Variants in SORBS2 observed in about 807,000 individuals in gnomAD.
The protein encoded by SORBS2 is sorbin and SH3 domain containing 2.
A neutral mutation model predicts 97.7 loss-of-function variants in SORBS2; 46 were observed. The ratio of observed to expected loss-of-function variants is 0.47; its 90% CI spans 0.37 to 0.60. The LOEUF (loss-of-function observed/expected upper bound fraction) is 0.60, where lower values mean the gene tolerates loss of function less well. Ranked by LOEUF, SORBS2 falls within the 20% of genes least tolerant of loss-of-function variation. SORBS2 has a pLI of 0.00. For missense variants in SORBS2, 1,316 were observed against 1,282.3 expected, an observed-to-expected ratio of 1.03 and a Z score of -0.40; for synonymous variants, 476 against 473.4, an observed-to-expected ratio of 1.01 and a Z score of -0.07.
intron 2 of SORBS2, among the ~76,000 whole-genome samples, chr4:185,716,635 G>A (rs1282404956): frequency 6.6e-6 from 1 of 152,170 alleles, no homozygotes; most frequent in Non-Finnish European, 1.5e-5. Context: ...TTGGTTTGAA[G>A]GATGAATTCT....
chr4:185,926,361 G>A (rs932194541), intron 1 of SORBS2, among the ~76,000 whole-genome samples: 2 of 152,142 alleles, frequency 1.3e-5, no homozygotes, highest in Non-Finnish European at 2.9e-5. Context: ...TGGAGGCGGT[G>A]CCTTGTCGCC....
intron 2 of SORBS2, among the ~76,000 whole-genome samples, chr4:185,743,582 T>C (rs1019395616): frequency 6.6e-6 from 1 of 152,220 alleles, no homozygotes; most frequent in Non-Finnish European, 1.5e-5. Flanking sequence ...TTTAGAACTC[T>C]GTTAGCTTCA....
chr4:185,684,853 G>C lies in SORBS2; in HGVS notation c.-197-6031C>G, dbSNP rs1183643627. ...CGAGCACACCCACCGCTATCTGGAA[G>C]CAAAAAAATGATATAGCAGAGGCCA... On this transcript the variant is annotated intron_variant, in intron 2 of 20. Coordinates refer to the SORBS2 transcript ENST00000284776. This position sits in a 1 kb window ranked among gnomAD's most constrained non-coding sequence, Gnocchi z 4.2. The C allele has an allele frequency of 6.4e-7, 1 of 1,550,416 alleles. No individual in the cohort carries two copies. Among genetic ancestry groups the C allele is most frequent in the Non-Finnish European group, 8.7e-7 (1 of 1,146,284 alleles).
chr4:185,631,793 AC>A (rs202003221), intron 4 of SORBS2, among the ~76,000 whole-genome samples: 9,199 of 137,450 alleles, frequency 0.067, 356 homozygotes, highest in Non-Finnish European at 0.089. Context: ...CAACAAAAAA[AC>A]AAAACAAAAC....
intron 4 of SORBS2, among the ~76,000 whole-genome samples, chr4:185,642,687 CT>C (rs1346902106): frequency 6.6e-6 from 1 of 152,208 alleles, no homozygotes; most frequent in Non-Finnish European, 1.5e-5. Context: ...CTCACTTTTA[CT>C]TTCCCTGTTA....
At chr4:185,742,013 C>T (rs994425151) in intron 2 of SORBS2, among the ~76,000 whole-genome samples, 7 of 152,196 alleles carry the variant, frequency 4.6e-5, no homozygotes, top group South Asian at 2.1e-4. Context: ...CCTCCCCATC[C>T]GCTGATTTGC....
chr4:185,872,461 A>G (rs1345252177), intron 1 of SORBS2, among the ~76,000 whole-genome samples: 1 of 152,224 alleles, frequency 6.6e-6, no homozygotes, highest in Non-Finnish European at 1.5e-5. Context: ...ACGTGCCAAC[A>G]TCTGTGCGCG....
chr4:185,816,167 T>C lies in SORBS2; in HGVS notation c.-337-40801A>G, dbSNP rs75527273. On this transcript the variant is annotated intron_variant, in intron 1 of 20. Coordinates refer to the SORBS2 transcript ENST00000284776. The stretch of plus-strand genomic sequence containing the variant: ...CTGTATTCTGATCTTAAACCATTTA[T>C]CCTCTGGTTCGTATTTTGAAATCCT... Among the ~76,000 whole-genome samples the C allele has an allele frequency of 5.0e-3, 768 of 152,354 alleles. 2 individuals carry two copies. The highest frequency in any genetic ancestry group is 0.017 in the African/African-American group (722 of 41,590).
chr4:185,928,477 G>C, intron 1 of SORBS2, among the ~76,000 whole-genome samples: 1 of 150,616 alleles, frequency 6.6e-6, no homozygotes, highest in Admixed American at 6.6e-5. Flanking sequence ...TTTATAGACA[G>C]GTCTTGAGCA....
At chr4:185,598,533 T>G (rs1467925815) in intron 12 of SORBS2, among the ~76,000 whole-genome samples, 2 of 152,230 alleles carry the variant, frequency 1.3e-5, no homozygotes, top group African/African-American at 4.8e-5. Context: ...TCAAAGCTTC[T>G]GCAGTTATCT....
chr4:185,765,865 A>G (rs2098931554), intron 2 of SORBS2, among the ~76,000 whole-genome samples: 1 of 152,104 alleles, frequency 6.6e-6, no homozygotes, highest in Non-Finnish European at 1.5e-5. Flanking sequence ...TTAGTTTTCC[A>G]TCATAAGCCA....
intron 2 of SORBS2, among the ~76,000 whole-genome samples, chr4:185,722,774 C>T (rs994513838): frequency 2.0e-5 from 3 of 152,140 alleles, no homozygotes; most frequent in Non-Finnish European, 2.9e-5. Flanking sequence ...GCCTACTAAC[C>T]AGCAGCATGA....
intron 1 of SORBS2, among the ~76,000 whole-genome samples, chr4:185,943,282 G>C (rs1027901584): frequency 2.0e-5 from 3 of 152,126 alleles, no homozygotes; most frequent in Non-Finnish European, 4.4e-5. Flanking sequence ...CCACCCCTCA[G>C]ATTACCTAAT....
chr4:185,920,896 A>G (rs1452176432), intron 1 of SORBS2, among the ~76,000 whole-genome samples: 2 of 152,238 alleles, frequency 1.3e-5, no homozygotes, highest in African/African-American at 4.8e-5. Context: ...GATGTCATAA[A>G]GATGGGTCAT....
upstream of SORBS2, among the ~76,000 whole-genome samples, chr4:185,659,919 A>G (rs1194989545): frequency 6.6e-6 from 1 of 152,238 alleles, no homozygotes; most frequent in Non-Finnish European, 1.5e-5. Context: ...ATTACATTCT[A>G]TGAACCCATA....
At chr4:185,713,928 T>C (rs2098444966) in intron 2 of SORBS2, among the ~76,000 whole-genome samples, 1 of 152,224 alleles carries the variant, frequency 6.6e-6, no homozygotes, top group Non-Finnish European at 1.5e-5. Context: ...ACCATTAGCA[T>C]TGATTTCAAA....
chr4:185,736,903 A>T (rs1015505547), intron 2 of SORBS2, among the ~76,000 whole-genome samples: 15 of 152,198 alleles, frequency 9.9e-5, no homozygotes, highest in African/African-American at 3.6e-4. Context: ...CATTTTACCT[A>T]ACAATACCAT....
chr4:185,615,592 C>G lies in SORBS2; in HGVS notation c.2352-433G>C, dbSNP rs113844123. 5.6e-3 allele frequency among the ~76,000 whole-genome samples: 851 copies of G among 151,542 alleles called. 5 individuals are homozygous for G. Among genetic ancestry groups the G allele is most frequent in the African/African-American group, 0.02 (811 of 41,318 alleles). On this transcript the variant is annotated intron_variant, in intron 9 of 14. Coordinates refer to ENST00000418609, the Ensembl canonical transcript of SORBS2. ...GCCCCTTTTGATGTACTGAAGCTTA[C>G]ATGAAGGAAAACAAATATCATGTAG...
intron 2 of SORBS2, among the ~76,000 whole-genome samples, chr4:185,767,139 G>A (rs940409110): frequency 6.6e-6 from 1 of 152,106 alleles, no homozygotes; most frequent in African/African-American, 2.4e-5. Context: ...AGTACAGAAA[G>A]CCAAAACTTA....
Sources: allele counts gnomAD v4.1 joint callset (sites outside exome capture counted in the v4.1 genomes callset), GRCh38; gene constraint gnomAD v4.1.1; non-coding constraint Gnocchi (gnomAD v3.1); transcripts MANE v1.5; gene names NCBI Gene and HGNC (gene_info 2026-07-23, HGNC 2026-07-21).